KCNMB2: variants seen among roughly 807,000 people sequenced by gnomAD.
The protein encoded by KCNMB2 is calcium-activated potassium channel subunit beta-2.
Under a neutral mutation model 24.5 loss-of-function variants are expected in KCNMB2, and 9 were observed. The ratio of observed to expected loss-of-function variants is 0.37; its 90% CI spans 0.22 to 0.64. The LOEUF (loss-of-function observed/expected upper bound fraction) is 0.64, where lower values mean the gene tolerates loss of function less well. KCNMB2 is among the 30% of genes least tolerant of loss of function. The pLI, the probability that KCNMB2 is intolerant of heterozygous loss-of-function variation, is 0.63. For missense variants in KCNMB2, 226 were observed against 284.3 expected (o/e 0.79, Z 1.47); for synonymous variants, 109 against 104.4 (o/e 1.04, Z -0.27).
chr3:178,696,325 T>C (rs1440815501), intron 1 of KCNMB2, among the ~76,000 whole-genome samples: 1 of 152,144 alleles, frequency 6.6e-6, no homozygotes, highest in Non-Finnish European at 1.5e-5. Flanking sequence ...CCAAACCATA[T>C]CAGGTGAATG....
intron 1 of KCNMB2, among the ~76,000 whole-genome samples, chr3:178,710,638 G>A (rs988362461): frequency 1.3e-5 from 2 of 152,100 alleles, no homozygotes; most frequent in Non-Finnish European, 2.9e-5. Flanking sequence ...ATGTGTGTGC[G>A]TGAGTGTGTG....
At chr3:178,694,562 G>A (rs1318204310) in intron 1 of KCNMB2, among the ~76,000 whole-genome samples, 3 of 152,212 alleles carry the variant, frequency 2.0e-5, no homozygotes, top group South Asian at 2.1e-4. Flanking sequence ...ATAAAATGGG[G>A]TACAGGCACT....
At chr3:178,564,052 G>A (rs183290193) in intron 1 of KCNMB2, among the ~76,000 whole-genome samples, 3 of 152,138 alleles carry the variant, frequency 2.0e-5, no homozygotes, top group African/African-American at 7.2e-5. Context: ...AGGCAAGGCA[G>A]GTGGATCACG....
chr3:178,639,872 C>A (rs1719658989), intron 1 of KCNMB2, among the ~76,000 whole-genome samples: 1 of 152,170 alleles, frequency 6.6e-6, no homozygotes, highest in Non-Finnish European at 1.5e-5. Flanking sequence ...TCTTAGTTTG[C>A]ATGTCTTGCA....
chr3:178,759,890 A>C (rs188043621), intron 1 of KCNMB2, among the ~76,000 whole-genome samples: 22 of 33,948 alleles, frequency 6.5e-4, no homozygotes, highest in Admixed American at 1.3e-3. Context: ...ATATATATAT[A>C]TCCAAGAGGA....
At chr3:178,738,636 C>A (rs1007472113) in intron 1 of KCNMB2, among the ~76,000 whole-genome samples, 2 of 151,994 alleles carry the variant, frequency 1.3e-5, no homozygotes, top group Non-Finnish European at 2.9e-5. Context: ...AACTTAAAGC[C>A]CCATTTTTGA....
intron 1 of KCNMB2, among the ~76,000 whole-genome samples, chr3:178,709,436 G>A (rs1722381801): frequency 6.6e-6 from 1 of 152,106 alleles, no homozygotes; most frequent in South Asian, 2.1e-4. Flanking sequence ...CACAGAAGAT[G>A]GCATTTAATT....
intron 1 of KCNMB2, among the ~76,000 whole-genome samples, chr3:178,753,520 T>C (rs1326798910): frequency 1.3e-5 from 2 of 152,200 alleles, no homozygotes; most frequent in Non-Finnish European, 1.5e-5. Flanking sequence ...GTGTTCAGTA[T>C]GCTGTCATTA....
rs529774249 is a variant in KCNMB2 at position 178,828,445 on chromosome 3, C to T, written c.423+72C>T. Reference sequence around the variant, plus strand: ...ACCAGGCTCTCTGCCTCTGAAGTTCCCCTTTGCCAGCATTTCAAAGGAAAA... The same window carrying T: ...ACCAGGCTCTCTGCCTCTGAAGTTCTCCTTTGCCAGCATTTCAAAGGAAAA... On this transcript the variant is annotated intron_variant, in intron 4 of 4. Coordinates refer to ENST00000452583, the MANE Select transcript of KCNMB2 (RefSeq NM_181361.3). The T allele has an allele frequency of 2.1e-5, 24 of 1,155,678 alleles. No individual in the cohort carries two copies. In the African/African-American group the frequency reaches 2.8e-4, roughly 13 times the overall value. 71.6% of individuals were successfully genotyped at this position (1,155,678 alleles called of 1,614,324 possible). A position where few individuals can be genotyped will look rare whatever the true frequency, so the allele number is the denominator to read the frequency against.
At chr3:178,743,888 A>G (rs1723575913) in intron 1 of KCNMB2, among the ~76,000 whole-genome samples, 1 of 152,246 alleles carries the variant, frequency 6.6e-6, no homozygotes, top group Admixed American at 6.5e-5. Context: ...TTCAGCAAGA[A>G]AAAGAGAGGC....
chr3:178,725,197 T>G (rs533531014), intron 1 of KCNMB2, among the ~76,000 whole-genome samples: 2 of 152,218 alleles, frequency 1.3e-5, no homozygotes, highest in Non-Finnish European at 2.9e-5. Flanking sequence ...GTTTAGGCAA[T>G]GTTTTATAGT....
At chr3:178,693,892 CTT>C (rs71181242) in intron 1 of KCNMB2, among the ~76,000 whole-genome samples, 1 of 144,976 alleles carries the variant, frequency 6.9e-6, no homozygotes, top group Non-Finnish European at 1.5e-5. Flanking sequence ...TTTTCTTTTT[CTT>C]TTTTTTTTTT....
chr3:178,662,599 T>C (rs914063962), intron 1 of KCNMB2, among the ~76,000 whole-genome samples: 67 of 152,258 alleles, frequency 4.4e-4, no homozygotes, highest in African/African-American at 1.5e-3. Flanking sequence ...CATTTGCTTG[T>C]CAAGGATATC....
chr3:178,587,936 G>A (rs541588741), intron 1 of KCNMB2, among the ~76,000 whole-genome samples: 5 of 126,472 alleles, frequency 4.0e-5, no homozygotes, highest in African/African-American at 1.6e-4. Flanking sequence ...TCCCCTTCCT[G>A]TGTCCATGTG....
At chr3:178,794,145 G>C (rs1027006549) in intron 1 of KCNMB2, among the ~76,000 whole-genome samples, 3 of 152,140 alleles carry the variant, frequency 2.0e-5, no homozygotes, top group Admixed American at 6.5e-5. Context: ...CGCCTTTGCA[G>C]AACACCACCA....
intron 1 of KCNMB2, among the ~76,000 whole-genome samples, chr3:178,660,981 A>G (rs1720504874): frequency 1.8e-5 from 2 of 109,042 alleles, no homozygotes; most frequent in African/African-American, 9.1e-5. Context: ...ATATATACAC[A>G]TACATATATA....
chr3:178,638,318 T>C (rs1442344435), intron 1 of KCNMB2, among the ~76,000 whole-genome samples: 1 of 152,156 alleles, frequency 6.6e-6, no homozygotes, highest in African/African-American at 2.4e-5. Flanking sequence ...ATTTTTTGGT[T>C]CATTTCCTTC....
chr3:178,809,966 C>T (rs1335327911), intron 2 of KCNMB2, among the ~76,000 whole-genome samples: 6 of 152,032 alleles, frequency 3.9e-5, no homozygotes, highest in Admixed American at 3.9e-4. Flanking sequence ...TGCCATTAAG[C>T]AATAGAATCT....
intron 1 of KCNMB2, among the ~76,000 whole-genome samples, chr3:178,601,859 G>C (rs1021203587): frequency 3.3e-5 from 5 of 152,118 alleles, no homozygotes; most frequent in African/African-American, 1.2e-4. Context: ...AGGAACAAAG[G>C]CAACAGAAGA....
Sources: gnomAD v4.1 joint callset for allele counts (sites outside exome capture counted in the v4.1 genomes callset) on GRCh38, gnomAD v4.1.1 for gene constraint, MANE v1.5 for transcripts, NCBI Gene and HGNC (gene_info 2026-07-23, HGNC 2026-07-21) for gene names.